CDH18: variants seen among roughly 807,000 people sequenced by gnomAD.
CDH18 encodes cadherin-18.
Under a neutral mutation model 67.9 loss-of-function variants are expected in CDH18, and 31 were observed. The ratio of observed to expected loss-of-function variants is 0.46; its 90% CI spans 0.34 to 0.62. The LOEUF is 0.62. Among genes scored for constraint, CDH18 ranks in the 20% least tolerant of loss-of-function variants. CDH18 has a pLI of 0.01. For missense variants in CDH18, 890 were observed against 975.5 expected, an observed-to-expected ratio of 0.91 and a Z score of 1.17; for synonymous variants, 362 against 347.2, an observed-to-expected ratio of 1.04 and a Z score of -0.48.
chr5:20,085,638 T>C (rs12653754), intron 2 of CDH18, among the ~76,000 whole-genome samples: 8,886 of 152,268 alleles, frequency 0.058, 285 homozygotes, highest in East Asian at 0.14. Context: ...TAGTTCCACA[T>C]GGCTGGGGAA....
intron 2 of CDH18, among the ~76,000 whole-genome samples, chr5:20,229,030 T>C (rs1001802664): frequency 3.9e-5 from 6 of 152,074 alleles, no homozygotes; most frequent in African/African-American, 1.4e-4. Context: ...GTCTAATTGA[T>C]AGTTGGTGAA....
chr5:19,541,455 G>C (rs752262103), intron 9 of CDH18, among the ~76,000 whole-genome samples: 1 of 151,892 alleles, frequency 6.6e-6, no homozygotes, highest in African/African-American at 2.4e-5. Context: ...GCACTACCCC[G>C]CTCTACTGGT....
intron 2 of CDH18, among the ~76,000 whole-genome samples, chr5:20,070,737 A>T (rs533066103): frequency 1.3e-5 from 2 of 152,294 alleles, no homozygotes; most frequent in South Asian, 4.1e-4. Flanking sequence ...AATAAGCTAT[A>T]AGCTACCTTA....
chr5:20,077,550 A>C (rs1452226178), intron 2 of CDH18, among the ~76,000 whole-genome samples: 1 of 152,224 alleles, frequency 6.6e-6, no homozygotes, highest in Non-Finnish European at 1.5e-5. Flanking sequence ...GACATGAAAG[A>C]GTACATTGAA....
At chr5:20,178,845 G>A (rs1170198433) in intron 2 of CDH18, among the ~76,000 whole-genome samples, 4 of 152,064 alleles carry the variant, frequency 2.6e-5, no homozygotes, top group African/African-American at 4.8e-5. Flanking sequence ...TTAAGTGGCA[G>A]AACAAAAATT....
chr5:19,840,751 A>G lies in CDH18; in HGVS notation c.-256-1509T>C, dbSNP rs1030256514. 3.9e-5 allele frequency among the ~76,000 whole-genome samples: 6 copies of G among 152,146 alleles called. No individual in the cohort carries two copies. The East Asian group carries it at 1.2e-3, about 29-fold the overall frequency. ...AATGACTGAAATTATAAGCTTATTT[A>G]AAGAATATAAATTTTGCATCAAGTT... is the stretch of plus-strand genomic sequence containing the variant. On this transcript the variant is annotated intron_variant, in intron 2 of 12. Coordinates refer to ENST00000382275, the MANE Select transcript of CDH18 (RefSeq NM_004934.5).
chr5:20,393,644 T>C (rs1255862228), intron 1 of CDH18, among the ~76,000 whole-genome samples: 1 of 151,982 alleles, frequency 6.6e-6, no homozygotes, highest in Non-Finnish European at 1.5e-5. Flanking sequence ...TCCAAAAGAC[T>C]CCTAGATTTG....
At position 20,146,187 on chromosome 5, in the gene CDH18, T is replaced by C. The variant is rs187882078; in HGVS notation, c.-518+109257A>G. Among the ~76,000 whole-genome samples the C allele has an allele frequency of 2.6e-5, 4 of 152,256 alleles. No individual in the cohort carries two copies. In the East Asian group the frequency reaches 5.8e-4, roughly 22 times the overall value. On this transcript the variant is annotated intron_variant, in intron 2 of 14. Transcript: ENST00000507958. ...ATTTTACCAAGTGAAACTTTTGTCC[T>C]GATTTCCTTCCTTAACTAGTAGCCT...
At chr5:20,097,371 G>A (rs544016467) in intron 2 of CDH18, among the ~76,000 whole-genome samples, 1 of 152,238 alleles carries the variant, frequency 6.6e-6, no homozygotes, top group Admixed American at 6.5e-5. Context: ...GCAAAGGGAC[G>A]TCTTAAGTGG....
chr5:20,551,189 A>T (rs1480709734), intron 1 of CDH18, among the ~76,000 whole-genome samples: 7 of 152,174 alleles, frequency 4.6e-5, no homozygotes, highest in African/African-American at 1.7e-4. Flanking sequence ...TATTATCTAA[A>T]ATGTTATTTT....
intron 2 of CDH18, among the ~76,000 whole-genome samples, chr5:20,130,727 TCA>T (rs529576844): frequency 2.4e-4 from 36 of 152,024 alleles, no homozygotes; most frequent in Non-Finnish European, 5.0e-4. Flanking sequence ...GCGAACAGAC[TCA>T]GTTATTTTTT....
At chr5:20,112,572 A>C in intron 2 of CDH18, among the ~76,000 whole-genome samples, 1 of 152,072 alleles carries the variant, frequency 6.6e-6, no homozygotes, top group East Asian at 1.9e-4. Flanking sequence ...CCGAGGCAGG[A>C]GAATTGCTTG....
intron 2 of CDH18, among the ~76,000 whole-genome samples, chr5:19,890,597 A>T (rs1416907447): frequency 1.5e-5 from 2 of 132,688 alleles, no homozygotes; most frequent in East Asian, 2.3e-4. Flanking sequence ...CCAGAACACC[A>T]TTTTTTTTTT....
chr5:20,462,486 A>G (rs1751337898), intron 1 of CDH18, among the ~76,000 whole-genome samples: 1 of 152,218 alleles, frequency 6.6e-6, no homozygotes, highest in Admixed American at 6.5e-5. Flanking sequence ...AATAGCTAGA[A>G]CAGAGAACTT....
chr5:20,030,870 G>A (rs1739335664), intron 2 of CDH18, among the ~76,000 whole-genome samples: 1 of 152,146 alleles, frequency 6.6e-6, no homozygotes, highest in South Asian at 2.1e-4. Context: ...CAGATATTAT[G>A]AAATGATGAG....
At chr5:20,099,723 G>A (rs1180573890) in intron 2 of CDH18, among the ~76,000 whole-genome samples, 8 of 152,264 alleles carry the variant, frequency 5.3e-5, no homozygotes, top group Admixed American at 2.0e-4. Context: ...GATTGACTGA[G>A]TGTGTCTATT....
chr5:20,260,585 G>C (rs1366640027), intron 1 of CDH18, among the ~76,000 whole-genome samples: 1 of 152,186 alleles, frequency 6.6e-6, no homozygotes, highest in African/African-American at 2.4e-5. Flanking sequence ...TTCTGTATTA[G>C]AGAGTGGTAG....
At position 19,483,468 on chromosome 5, in the gene CDH18, T is replaced by A. The variant is rs1739837611; in HGVS notation, c.1715A>T (p.Asp572Val). 2 of 1,613,970 alleles carry A rather than the reference T, an allele frequency of 1.2e-6. No individual in the cohort carries two copies. The change falls in exon 12 of 13, where the codon GAT (aspartate) becomes GTT (valine). Residue 572 changes from aspartate (D) to valine (V), a missense_variant. Asp to Val is a radical substitution (Grantham distance 152). Coordinates refer to ENST00000382275, the MANE Select transcript of CDH18 (RefSeq NM_004934.5). ...GCTGCTGAGAGAGGGGATTCCACCATCAGAGATCATAATGGGCAGATAATA... is the reference window on the plus strand; with the variant it reads ...GCTGCTGAGAGAGGGGATTCCACCAACAGAGATCATAATGGGCAGATAATA... ...DVYYLPIMIS[D>V]GGIPSLSSSS...
In CDH18 at chr5:19,583,538, C is replaced by T. The variant is rs183169055; in HGVS notation, c.999+7519G>A. On this transcript the variant is annotated intron_variant, in intron 7 of 12. Transcript: ENST00000382275. ...GTTTGCTTCCAGTTAAATCAAATAA[C>T]GTGAAATAAAGATGGCAGCAAAATC... 1.4e-3 allele frequency among the ~76,000 whole-genome samples: 220 copies of T among 151,976 alleles called. 1 individual carries two copies. The highest frequency in any genetic ancestry group is 4.9e-3 in the African/African-American group (205 of 41,460).
Sources: gnomAD v4.1 joint callset for allele counts (sites outside exome capture counted in the v4.1 genomes callset) on GRCh38, gnomAD v4.1.1 for gene constraint, MANE v1.5 for transcripts, NCBI Gene and HGNC (gene_info 2026-07-23, HGNC 2026-07-21) for gene names.